ARHGAP26: variants seen among roughly 807,000 people sequenced by gnomAD.
The protein encoded by ARHGAP26 is Rho GTPase activating protein 26.
A neutral mutation model predicts 104.8 loss-of-function variants in ARHGAP26; 38 were observed. The observed-to-expected ratio is 0.36, with a 90% CI of 0.28 to 0.48. ARHGAP26 has a LOEUF of 0.48. ARHGAP26 is among the 20% of genes least tolerant of loss of function. The pLI is 0.99. For synonymous variants in ARHGAP26, 341 were observed against 340.0 expected (o/e 1.00, Z -0.03); for missense variants, 704 against 947.9 (o/e 0.74, Z 3.38).
chr5:143,183,649 A>C (rs1804719927), intron 20 of ARHGAP26, among the ~76,000 whole-genome samples: 1 of 152,156 alleles, frequency 6.6e-6, no homozygotes, highest in South Asian at 2.1e-4. Context: ...AGCTGCATTC[A>C]CCAGTGGAAA....
intron 12 of ARHGAP26, among the ~76,000 whole-genome samples, chr5:143,026,065 T>C (rs952058982): frequency 3.3e-5 from 5 of 152,222 alleles, no homozygotes; most frequent in Non-Finnish European, 7.3e-5. Flanking sequence ...GAGATCTCTG[T>C]CAAACCTGTT....
intron 11 of ARHGAP26, among the ~76,000 whole-genome samples, chr5:142,939,659 A>G (rs1346570219): frequency 6.6e-6 from 1 of 152,232 alleles, no homozygotes; most frequent in Non-Finnish European, 1.5e-5. Context: ...TAGAAGCAGA[A>G]TGTTATGGTG....
At chr5:142,835,248 G>C (rs1269249219) in intron 1 of ARHGAP26, among the ~76,000 whole-genome samples, 1 of 152,122 alleles carries the variant, frequency 6.6e-6, no homozygotes, top group Non-Finnish European at 1.5e-5. Flanking sequence ...AAACATTTCT[G>C]GACTTGGAAT....
At chr5:142,779,271 A>C (rs1474268149) in intron 1 of ARHGAP26, among the ~76,000 whole-genome samples, 1 of 152,134 alleles carries the variant, frequency 6.6e-6, no homozygotes, top group Non-Finnish European at 1.5e-5. Context: ...GGTAAGGAAA[A>C]CAGCTTGGCA....
At chr5:143,173,403 G>T (rs1215379617) in intron 20 of ARHGAP26, among the ~76,000 whole-genome samples, 1 of 152,170 alleles carries the variant, frequency 6.6e-6, no homozygotes, top group Non-Finnish European at 1.5e-5. Flanking sequence ...GGCCTAGAGG[G>T]AGTGGAGTCA....
intron 5 of ARHGAP26, among the ~76,000 whole-genome samples, chr5:142,887,274 G>C (rs1035150943): frequency 6.6e-6 from 1 of 151,962 alleles, no homozygotes; most frequent in Non-Finnish European, 1.5e-5. Flanking sequence ...CTGGCAAAGA[G>C]GATACCTTGC....
intron 17 of ARHGAP26, among the ~76,000 whole-genome samples, chr5:143,104,781 G>T (rs1793758258): frequency 6.6e-6 from 1 of 152,114 alleles, no homozygotes. Flanking sequence ...TCATAGTAAT[G>T]CAGTAAAAAA....
rs58550799 is a variant in ARHGAP26 at position 142,808,236 on chromosome 5, GAAAAAAAAAAAAAAA to G, written c.154+37347_154+37361del. On this transcript the variant is annotated intron_variant, in intron 1 of 22. Transcript: ENST00000645722. ...GGCAACAGAGTGAGACATTGTCTCG[GAAAAAAAAAAAAAAA>G]AAAAAAAAAAAAAAAAAAAAAAAAA... is the stretch of plus-strand genomic sequence containing the variant. Among the ~76,000 whole-genome samples the G allele has an allele frequency of 4.6e-4, 15 of 32,696 alleles. No individual in the cohort carries two copies. The South Asian group carries it at 4.8e-3, about 10-fold the overall frequency. The allele number at this position is 32,696 out of a possible 152,430, so 21.4% of individuals were successfully genotyped here. A position where few individuals can be genotyped will look rare whatever the true frequency, so the allele number is the denominator to read the frequency against.
chr5:142,986,461 C>T (rs1337108015), intron 11 of ARHGAP26, among the ~76,000 whole-genome samples: 1 of 152,196 alleles, frequency 6.6e-6, no homozygotes, highest in Non-Finnish European at 1.5e-5. Flanking sequence ...TGTAGGTTGC[C>T]TGCTCACTCT....
At chr5:142,790,251 C>T (rs1759524315) in intron 1 of ARHGAP26, among the ~76,000 whole-genome samples, 1 of 152,134 alleles carries the variant, frequency 6.6e-6, no homozygotes, top group Admixed American at 6.5e-5. Flanking sequence ...ATTATGTAGT[C>T]CGAGAACACT....
intron 17 of ARHGAP26, among the ~76,000 whole-genome samples, chr5:143,086,867 T>C (rs1006321583): frequency 1.3e-5 from 2 of 152,176 alleles, no homozygotes; most frequent in African/African-American, 4.8e-5. Flanking sequence ...CACTCAGATA[T>C]CCATGAATGT....
intron 17 of ARHGAP26, among the ~76,000 whole-genome samples, chr5:143,117,242 C>G (rs1795578157): frequency 6.6e-6 from 1 of 152,182 alleles, no homozygotes; most frequent in African/African-American, 2.4e-5. Flanking sequence ...GTTTTATAGA[C>G]CTTGCTAATG....
intron 1 of ARHGAP26, 112 bp downstream of exon 1, chr5:142,771,027 G>T: frequency 6.9e-7 from 1 of 1,447,338 alleles, no homozygotes; most frequent in East Asian, 2.7e-5. Context: ...CGGTACACTG[G>T]GGGACGGGTG....
At chr5:143,090,279 A>C (rs1391965376) in intron 17 of ARHGAP26, among the ~76,000 whole-genome samples, 1 of 152,226 alleles carries the variant, frequency 6.6e-6, no homozygotes, top group African/African-American at 2.4e-5. Context: ...GGACCACCCT[A>C]GTGGAAAGGG....
At chr5:143,045,726 G>A (rs563480598) in intron 14 of ARHGAP26, among the ~76,000 whole-genome samples, 9 of 152,350 alleles carry the variant, frequency 5.9e-5, no homozygotes, top group Admixed American at 3.9e-4. Context: ...GGTCAGGTGC[G>A]GTGGCTCATG....
chr5:143,045,354 A>G (rs1784067256), intron 14 of ARHGAP26, among the ~76,000 whole-genome samples: 1 of 152,216 alleles, frequency 6.6e-6, no homozygotes, highest in Non-Finnish European at 1.5e-5. Flanking sequence ...GAAAGTTGAG[A>G]ATGATATCCA....
chr5:143,218,972 A>G (rs1366837926), intron 22 of ARHGAP26, among the ~76,000 whole-genome samples: 1 of 152,246 alleles, frequency 6.6e-6, no homozygotes, highest in Non-Finnish European at 1.5e-5. Context: ...TAAAGTGAGG[A>G]TAATAGCAGA....
intron 20 of ARHGAP26, among the ~76,000 whole-genome samples, chr5:143,191,037 G>A (rs541092195): frequency 1.3e-4 from 20 of 152,368 alleles, no homozygotes; most frequent in African/African-American, 4.6e-4. Flanking sequence ...GAGCATGGGA[G>A]CAGGGCTTAA....
chr5:143,137,984 C>G (rs1443905716), intron 19 of ARHGAP26, among the ~76,000 whole-genome samples: 1 of 152,234 alleles, frequency 6.6e-6, no homozygotes, highest in Non-Finnish European at 1.5e-5. Context: ...ACCTGCACTT[C>G]AGGCTCATGG....
Sources: gnomAD v4.1 joint callset for allele counts (sites outside exome capture counted in the v4.1 genomes callset) on GRCh38, gnomAD v4.1.1 for gene constraint, MANE v1.5 for transcripts, NCBI Gene and HGNC (gene_info 2026-07-23, HGNC 2026-07-21) for gene names.